Variants in MYO1C observed in about 807,000 individuals in gnomAD.
MYO1C encodes myosin IC.
A neutral mutation model predicts 150.8 loss-of-function variants in MYO1C; 104 were observed. That is an observed-to-expected ratio of 0.69 (90% CI 0.59 to 0.81). MYO1C has a LOEUF of 0.81. Ranked by LOEUF, MYO1C falls within the 30% of genes least tolerant of loss-of-function variation. The pLI is 0.00. For synonymous variants in MYO1C, 663 were observed against 579.9 expected, an observed-to-expected ratio of 1.14 and a Z score of -2.06; for missense variants, 1,504 against 1,435.0, an observed-to-expected ratio of 1.05 and a Z score of -0.78.
rs550377574 is a variant in MYO1C, at chr17:1,484,451, T to A, written c.76-148A>T. On this transcript the variant is annotated intron_variant, in intron 1 of 31. Transcript: ENST00000648651. ...ATGAGCATGACGGGTGCGGGGGGCC[T>A]GGGTGCTGAGGGCCTGGGTGTGGTG... 207 of 498,752 alleles carry A rather than the reference T, an allele frequency of 4.2e-4. No homozygotes were observed. In the East Asian group the frequency reaches 0.01, roughly 25 times the overall value. 30.9% of individuals were successfully genotyped at this position (498,752 alleles called of 1,614,324 possible).
chr17:1,485,016 C>G, intron 1 of MYO1C: 2 of 947,422 alleles, frequency 2.1e-6, no homozygotes, highest in Non-Finnish European at 2.9e-6. Context: ...GCGGGGGAGG[C>G]CCTCCCTCGC....
At chr17:1,465,952 C>G (rs942334279) in intron 31 of MYO1C, among the ~76,000 whole-genome samples, 200 bp from the exon 32 acceptor site, 1 of 152,012 alleles carries the variant, frequency 6.6e-6, no homozygotes, top group Non-Finnish European at 1.5e-5. Context: ...CAGGCGTGAG[C>G]CGCCGCACCC....
chr17:1,492,059 G>A (rs906589555), intron 1 of MYO1C: 2 of 361,338 alleles, frequency 5.5e-6, no homozygotes, highest in African/African-American at 4.2e-5. Context: ...CAGCCCTGCG[G>A]ACTGGAGAGG....
chr17:1,468,922 C>A (rs1165796087), intron 25 of MYO1C: 1 of 310,150 alleles, frequency 3.2e-6, no homozygotes, highest in Non-Finnish European at 6.3e-6. Flanking sequence ...CAGATATCAC[C>A]AATCGACCCG....
chr17:1,478,673 C>T lies in MYO1C; in HGVS notation c.1155G>A (p.Val385=). The T allele has an allele frequency of 4.3e-6, 7 of 1,614,180 alleles. No homozygotes were observed. Among genetic ancestry groups the T allele is most frequent in the Non-Finnish European group, 5.1e-6 (6 of 1,180,030 alleles). The change falls in exon 10 of 32, where the codon GTG becomes GTA. Residue 385 remains valine, a synonymous_variant. Transcript: ENST00000648651. This position sits in a 1 kb window ranked among gnomAD's most constrained non-coding sequence, Gnocchi z 6.3. ...CGAGCCAGGTAAAAGTGCGGCTGTA[C>T]ACAGCCTTGGCGAGGGCGTCTCGTG... ...AYARDALAKA[V]YSRTFTWLVG... is the part of the protein sequence containing the mutation.
intron 1 of MYO1C, among the ~76,000 whole-genome samples, chr17:1,487,749 C>G (rs964628935): frequency 6.6e-6 from 1 of 152,228 alleles, no homozygotes; most frequent in Non-Finnish European, 1.5e-5. Context: ...GAAACCCCCT[C>G]TCTGCTAGAA....
In MYO1C at chr17:1,483,059, C is replaced by T; in HGVS notation, c.348G>A (p.Leu116=). Residue 116 remains leucine (L), a splice_region_variant and synonymous_variant, in exon 4 of 32, where the codon CTG becomes CTA. Transcript: ENST00000648651. ...GVSFYEVPPH[L]FAVADTVYRA... ...GGTACACAGTGTCCGCCACGGCAAA[C>T]CTGGGGCGGAGGCTCGTCAGGGAGT... The T allele has an allele frequency of 6.2e-7, 1 of 1,601,328 alleles. No individual in the cohort carries two copies. The highest frequency in any genetic ancestry group is 8.5e-7 in the Non-Finnish European group (1 of 1,174,884).
intron 24 of MYO1C, among the ~76,000 whole-genome samples, chr17:1,469,967 G>A (rs1006735314): frequency 2.6e-5 from 4 of 152,038 alleles, no homozygotes; most frequent in South Asian, 2.1e-4. Context: ...CCCGGGAGGC[G>A]GAGGTTGCAG....
chr17:1,467,511 G>C lies in MYO1C; in HGVS notation c.3034C>G (p.Arg1012Gly). 1 of 1,613,274 alleles carries C rather than the reference G, an allele frequency of 6.2e-7. No homozygotes were observed. Among genetic ancestry groups the C allele is most frequent in the South Asian group, 1.1e-5 (1 of 91,052 alleles). The part of the protein sequence containing the change: ...TLTKTALSAN[R>G]VNSININQGS... ...TGGTTGATGTTGATGCTGTTCACGC[G>C]GTTGGCACTGAGGGCTGTCTTGGTC... The change falls in exon 30 of 32, where the codon CGC becomes GGC. Residue 1012 changes from arginine (R) to glycine (G), a missense_variant. Arg to Gly is a moderately radical substitution (Grantham distance 125). Transcript: ENST00000648651.
chr17:1,470,575 C>T, intron 22 of MYO1C, 46 bp downstream of exon 22: 1 of 1,585,960 alleles, frequency 6.3e-7, no homozygotes, highest in South Asian at 1.1e-5. Context: ...GTGGCCCCCC[C>T]TGGCCCCAGA....
At position 1,477,542 on chromosome 17, in the gene MYO1C, G is replaced by C; in HGVS notation, c.1537C>G (p.Leu513Val). 6.2e-7 allele frequency: 1 copy of C among 1,613,688 alleles called. No individual in the cohort carries two copies. Among genetic ancestry groups the C allele is most frequent in the East Asian group, 2.2e-5 (1 of 44,884 alleles). ...EATDLTFLEK[L>V]EDTVKHHPHF... ...GGATGGTGCTTGACAGTATCCTCCA[G>C]CTTCTCCAGGAAGGTCAGGTCTGTG... The change falls in exon 14 of 32, where the codon CTG becomes GTG. Residue 513 changes from leucine to valine, a missense_variant. By Grantham distance (32) the Leu-to-Val change is conservative (BLOSUM62 1). Transcript: ENST00000648651.
chr17:1,471,374 G>A, intron 19 of MYO1C, 38 bp from the exon 20 acceptor site: 1 of 1,575,392 alleles, frequency 6.3e-7, no homozygotes, highest in Non-Finnish European at 8.7e-7. Flanking sequence ...ACCCCAGTCA[G>A]CAGCCTGCCC....
chr17:1,467,900 G>A lies in MYO1C; in HGVS notation c.2907C>T (p.Val969=), dbSNP rs1209687547. ...CAAAAAGACTGTCGCTCAGGCTGCT[G>A]ACAGAGATTCCTGAGGGGAGAGGGC... ...IDYANLTGIS[V]SSLSDSLFVL... Residue 969 remains valine, a synonymous_variant, in exon 29 of 32, where the codon GTC becomes GTT. Transcript: ENST00000648651. 4 of 1,611,974 alleles carry A rather than the reference G, an allele frequency of 2.5e-6. No homozygotes were observed. Among genetic ancestry groups the A allele is most frequent in the Non-Finnish European group, 8.5e-7 (1 of 1,179,668 alleles).
At chr17:1,477,235 G>C (rs541290084) in intron 14 of MYO1C, 1 of 431,102 alleles carries the variant, frequency 2.3e-6, no homozygotes, top group Non-Finnish European at 4.2e-6. Flanking sequence ...CTGGAGTGCA[G>C]TGGGTTGATC....
At chr17:1,471,468 ACTG>A (rs1233473513) in intron 19 of MYO1C, 132 bp from the exon 20 acceptor site, 1 of 741,288 alleles carries the variant, frequency 1.3e-6, no homozygotes, top group Non-Finnish European at 2.4e-6. Flanking sequence ...TCACTCGGTC[ACTG>A]CCCCCATTTT....
At position 1,468,273 on chromosome 17, in the gene MYO1C, A is replaced by G. The variant is rs772267547; in HGVS notation, c.2740T>C (p.Leu914=). ...DEISPRVLQA[L]GSEPIQYAVP... ...CTTACCTGAATGGGCTCAGAGCCCA[A>G]GGCCTGCAGCACTCGGGGGCTGATC... Residue 914 remains leucine (L), a synonymous_variant, in exon 27 of 32, where the codon TTG becomes CTG. Coordinates refer to ENST00000648651, the MANE Select transcript of MYO1C (RefSeq NM_001080779.2). 1.2e-6 allele frequency: 2 copies of G among 1,613,814 alleles called. No individual in the cohort carries two copies. Among genetic ancestry groups the G allele is most frequent in the Middle Eastern group, 1.7e-4 (1 of 6,058 alleles).
At chr17:1,470,082 A>G in intron 24 of MYO1C, 93 bp downstream of exon 24, 1 of 1,341,054 alleles carries the variant, frequency 7.5e-7, no homozygotes. Flanking sequence ...GCCCTCCGTG[A>G]GCCCTCCCTG....
Position 1,472,241 on chromosome 17 carries a change from G to A in MYO1C, c.1798-13C>T. 3.7e-6 allele frequency: 6 copies of A among 1,612,492 alleles called. No individual in the cohort carries two copies. In the South Asian group the frequency reaches 5.5e-5, roughly 15 times the overall value. On this transcript the variant is annotated splice_polypyrimidine_tract_variant and intron_variant, in intron 17 of 31. Coordinates refer to ENST00000648651, the MANE Select transcript of MYO1C (RefSeq NM_001080779.2). ...ACTGGGTGGCGACCTGGCGAGCCAAGAGGCATGGGAGGTTGGCCGGAGCTG... is the reference window on the plus strand; with the variant it reads ...ACTGGGTGGCGACCTGGCGAGCCAAAAGGCATGGGAGGTTGGCCGGAGCTG...
At chr17:1,475,351 A>T (rs979483751) in intron 14 of MYO1C, among the ~76,000 whole-genome samples, 1 of 151,998 alleles carries the variant, frequency 6.6e-6, no homozygotes, top group African/African-American at 2.4e-5. Flanking sequence ...CCTGGGAGGC[A>T]GAGGTTGCAG....
Sources: allele counts gnomAD v4.1 joint callset (sites outside exome capture counted in the v4.1 genomes callset), GRCh38; gene constraint gnomAD v4.1.1; non-coding constraint Gnocchi (gnomAD v3.1); transcripts MANE v1.5; gene names NCBI Gene and HGNC (gene_info 2026-07-23, HGNC 2026-07-21).